The following FHIP1A variants were observed in gnomAD, a reference collection of about 807,000 sequenced individuals.
The protein encoded by FHIP1A is FHF complex subunit HOOK interacting protein 1A.
In FHIP1A, 61 loss-of-function variants were observed where a neutral mutation model predicts 88.6. The observed-to-expected ratio is 0.69, with a 90% CI of 0.56 to 0.85. FHIP1A has a LOEUF of 0.85. FHIP1A is among the 40% of genes least tolerant of loss of function. The pLI is 0.00. For missense variants in FHIP1A, 1,154 were observed against 1,273.5 expected, an observed-to-expected ratio of 0.91 and a Z score of 1.43; for synonymous variants, 478 against 496.0, an observed-to-expected ratio of 0.96 and a Z score of 0.48.
intron 10 of FHIP1A, among the ~76,000 whole-genome samples, chr4:151,647,128 T>A (rs1736828234): frequency 6.6e-6 from 1 of 152,188 alleles, no homozygotes; most frequent in African/African-American, 2.4e-5. Flanking sequence ...CTTATAGAAA[T>A]CTGTCATAAG....
chr4:151,609,859 TTAATGCTGTATC>T (rs1336799785), intron 7 of FHIP1A, among the ~76,000 whole-genome samples: 3 of 152,130 alleles, frequency 2.0e-5, no homozygotes, highest in African/African-American at 7.2e-5. Context: ...CCCCATCACT[TTAATGCTGTATC>T]TAATGCTGTG....
intron 7 of FHIP1A, among the ~76,000 whole-genome samples, chr4:151,616,511 C>T (rs1353306072): frequency 6.5e-5 from 9 of 137,580 alleles, no homozygotes; most frequent in Admixed American, 5.6e-4. Flanking sequence ...TGCAGTGGTG[C>T]GATCTCGGCT....
At chr4:151,473,939 C>T (rs7664074) in intron 2 of FHIP1A, among the ~76,000 whole-genome samples, 17,229 of 152,176 alleles carry the variant, frequency 0.11, 1,030 homozygotes, top group African/African-American at 0.13. Context: ...AGTTTTGTTA[C>T]CTACCAGTGA....
intron 9 of FHIP1A, among the ~76,000 whole-genome samples, chr4:151,640,837 G>C (rs1233248241): frequency 6.6e-6 from 1 of 152,120 alleles, no homozygotes; most frequent in African/African-American, 2.4e-5. Flanking sequence ...TGCTCATATA[G>C]TGGTGTTTGT....
intron 5 of FHIP1A, among the ~76,000 whole-genome samples, chr4:151,579,177 C>T (rs1426632422): frequency 6.6e-6 from 1 of 152,102 alleles, no homozygotes; most frequent in Admixed American, 6.6e-5. Flanking sequence ...ATGGTGGGTA[C>T]ATGTCAATAT....
rs1322814420 is a variant in FHIP1A, at chr4:151,482,519, C to T, written c.-247-5C>T. On this transcript the variant is annotated splice_polypyrimidine_tract_variant and splice_region_variant and intron_variant, in intron 2 of 13. Coordinates refer to ENST00000435205, the MANE Select transcript of FHIP1A (RefSeq NM_001109977.3). ...ATTAATTATTATTTTTATTCCTCTT[C>T]ATAGATTTTTAAAGTCTTCTTCTAG... 6.6e-6 allele frequency: 1 copy of T among 151,954 alleles called. No homozygotes were observed. Among genetic ancestry groups the T allele is most frequent in the Non-Finnish European group, 1.5e-5 (1 of 67,924 alleles). 9.4% of individuals were successfully genotyped at this position (151,954 alleles called of 1,614,324 possible).
intron 3 of FHIP1A, among the ~76,000 whole-genome samples, chr4:151,496,762 A>G (rs1397022875): frequency 8.3e-5 from 11 of 132,060 alleles, no homozygotes; most frequent in Admixed American, 8.3e-4. Flanking sequence ...AAGTCTCACC[A>G]TGTTGCCCAG....
intron 3 of FHIP1A, among the ~76,000 whole-genome samples, chr4:151,526,926 G>A (rs1731686363): frequency 1.3e-5 from 2 of 151,908 alleles, no homozygotes; most frequent in Admixed American, 6.5e-5. Flanking sequence ...TCAGACAATG[G>A]GCGGCCGGGC....
In FHIP1A at chr4:151,649,947, T is replaced by G; in HGVS notation, c.1906T>G (p.Ser636Ala). Residue 636 changes from serine to alanine, a missense_variant, in exon 11 of 14, where the codon TCG becomes GCG. Physicochemically the swap from Ser to Ala is moderately conservative, Grantham distance 99 (BLOSUM62 1). Coordinates refer to ENST00000435205, the MANE Select transcript of FHIP1A (RefSeq NM_001109977.3). ...CTTCAAAGGGTCCTACATAGAAGAGTCGGACTTTCAGGATGATGTGATGGT... is the reference window on the plus strand; with the variant it reads ...CTTCAAAGGGTCCTACATAGAAGAGGCGGACTTTCAGGATGATGTGATGGT... ...LLFKGSYIEE[S>A]DFQDDVMVYR... 6.5e-7 allele frequency: 1 copy of G among 1,549,476 alleles called. No individual in the cohort carries two copies. Among genetic ancestry groups the G allele is most frequent in the Non-Finnish European group, 8.7e-7 (1 of 1,146,500 alleles).
At chr4:151,461,416 G>A (rs957945790) in intron 2 of FHIP1A, among the ~76,000 whole-genome samples, 4 of 152,120 alleles carry the variant, frequency 2.6e-5, no homozygotes, top group Admixed American at 1.3e-4. Flanking sequence ...ACTCATTCTC[G>A]TGACAATACC....
At chr4:151,628,978 T>G (rs939691097) in intron 7 of FHIP1A, among the ~76,000 whole-genome samples, 1 of 152,190 alleles carries the variant, frequency 6.6e-6, no homozygotes, top group Non-Finnish European at 1.5e-5. Context: ...CTCTTCAGAG[T>G]CTTATTCACT....
At chr4:151,448,625 CAT>C (rs1580577657) in intron 1 of FHIP1A, among the ~76,000 whole-genome samples, 2 of 152,178 alleles carry the variant, frequency 1.3e-5, no homozygotes, top group Non-Finnish European at 2.9e-5. Flanking sequence ...CATGGTTTAA[CAT>C]GTGTCAGAAT....
chr4:151,510,446 A>G (rs914213261), intron 3 of FHIP1A, among the ~76,000 whole-genome samples: 41 of 152,134 alleles, frequency 2.7e-4, no homozygotes, highest in African/African-American at 9.7e-4. Flanking sequence ...TTATTTTGAA[A>G]TAATTTTAGA....
At chr4:151,641,504 T>G (rs1406993938) in intron 9 of FHIP1A, among the ~76,000 whole-genome samples, 1 of 152,294 alleles carries the variant, frequency 6.6e-6, no homozygotes, top group African/African-American at 2.4e-5. Flanking sequence ...AATGCAAATT[T>G]GTAAACATTC....
In FHIP1A at chr4:151,629,824, C is replaced by A. The variant is rs1196957058; in HGVS notation, c.1101C>A (p.Val367=). The A allele has an allele frequency of 6.4e-7, 1 of 1,551,444 alleles. No homozygotes were observed. Among genetic ancestry groups the A allele is most frequent in the South Asian group, 1.2e-5 (1 of 84,052 alleles). The change falls in exon 8 of 14, where the codon GTC becomes GTA. Residue 367 remains valine, a synonymous_variant. Transcript: ENST00000435205. The part of the protein sequence containing the change: ...RFILLHQHEN[V]HILDTLTSRI... The stretch of plus-strand genomic sequence containing the variant: ...TCCTATTGCACCAGCACGAGAATGT[C>A]CACATCCTAGACACTCTCACGAGTC...
intron 3 of FHIP1A, among the ~76,000 whole-genome samples, chr4:151,530,945 C>T (rs566031248): frequency 3.8e-5 from 3 of 78,280 alleles, no homozygotes; most frequent in East Asian, 5.8e-4. Flanking sequence ...ACATTTCTTT[C>T]TAGGGCTGTC....
At position 151,566,249 on chromosome 4, in the gene FHIP1A, T is replaced by G; in HGVS notation, c.-11T>G. On this transcript the variant is annotated 5_prime_UTR_variant, in exon 4 of 14. Transcript: ENST00000435205. ...TAAATATGACTTAGAAGCATTGATT[T>G]ATGAAGGCTTATGATGTCATCGGTT... 1 of 1,520,120 alleles carries G rather than the reference T, an allele frequency of 6.6e-7. No homozygotes were observed. Among genetic ancestry groups the G allele is most frequent in the Non-Finnish European group, 8.9e-7 (1 of 1,124,400 alleles). The allele number at this position is 1,520,120 out of a possible 1,614,324, so 94.2% of individuals were successfully genotyped here. A position where few individuals can be genotyped will look rare whatever the true frequency, so the allele number is the denominator to read the frequency against.
intron 5 of FHIP1A, 59 bp downstream of exon 5, chr4:151,578,135 G>T (rs560394823): frequency 4.9e-6 from 7 of 1,431,564 alleles, no homozygotes; most frequent in Middle Eastern, 2.0e-4. Context: ...TCTGTTGCTA[G>T]TGATGAATAC....
chr4:151,517,921 G>A (rs1266320986), intron 3 of FHIP1A, among the ~76,000 whole-genome samples: 1 of 152,066 alleles, frequency 6.6e-6, no homozygotes, highest in African/African-American at 2.4e-5. Context: ...GAGTCAAAAA[G>A]TTCAAAAAAT....
Sources: allele counts gnomAD v4.1 joint callset (sites outside exome capture counted in the v4.1 genomes callset), GRCh38; gene constraint gnomAD v4.1.1; transcripts MANE v1.5; gene names NCBI Gene and HGNC (gene_info 2026-07-23, HGNC 2026-07-21).